Variants in TCERG1L observed in about 807,000 individuals in gnomAD.
TCERG1L encodes the protein transcription elongation regulator 1-like protein.
TCERG1L carries 37 observed loss-of-function variants against 56.3 expected under a neutral mutation model. The observed-to-expected ratio is 0.66, with a 90% CI of 0.51 to 0.87. TCERG1L has a LOEUF of 0.87. Among genes scored for constraint, TCERG1L ranks in the 40% least tolerant of loss-of-function variants. TCERG1L has a pLI of 0.00. For missense variants in TCERG1L, 799 were observed against 774.2 expected, an observed-to-expected ratio of 1.03 and a Z score of -0.38; for synonymous variants, 324 against 326.3, an observed-to-expected ratio of 0.99 and a Z score of 0.08.
intron 4 of TCERG1L, among the ~76,000 whole-genome samples, chr10:131,172,849 C>T (rs1366559140): frequency 6.6e-6 from 1 of 151,648 alleles, no homozygotes; most frequent in Non-Finnish European, 1.5e-5. Context: ...TATAAGGTCT[C>T]ATCCACTTGC....
intron 3 of TCERG1L, among the ~76,000 whole-genome samples, chr10:131,279,980 C>T (rs1589770585): frequency 6.6e-6 from 1 of 152,284 alleles, no homozygotes; most frequent in Non-Finnish European, 1.5e-5. Context: ...AGCCTACACC[C>T]TTTCGTGAGC....
chr10:131,159,331 T>C (rs1469659212), intron 6 of TCERG1L, among the ~76,000 whole-genome samples: 1 of 152,182 alleles, frequency 6.6e-6, no homozygotes, highest in Non-Finnish European at 1.5e-5. Flanking sequence ...GATGGGCTGT[T>C]GTGCCTCTGG....
At chr10:131,246,607 C>T (rs901540290) in intron 4 of TCERG1L, among the ~76,000 whole-genome samples, 9 of 150,528 alleles carry the variant, frequency 6.0e-5, no homozygotes, top group African/African-American at 2.2e-4. Context: ...CTCCCCTGCC[C>T]CACCGCACCC....
rs528426608 is a variant in TCERG1L at position 131,211,652 on chromosome 10, T to C, written c.857-44767A>G. 2.0e-5 allele frequency among the ~76,000 whole-genome samples: 3 copies of C among 152,210 alleles called. No homozygotes were observed. In the South Asian group the frequency reaches 6.2e-4, roughly 32 times the overall value. ...CTTTCATGAAGGCAACCTATTTTAT[T>C]AACACTTCAACCTTCAAACAACATA... is the stretch of plus-strand genomic sequence containing the variant. On this transcript the variant is annotated intron_variant, in intron 4 of 11. Coordinates refer to ENST00000368642, the MANE Select transcript of TCERG1L (RefSeq NM_174937.4).
intron 4 of TCERG1L, among the ~76,000 whole-genome samples, chr10:131,236,562 C>T (rs1334023300): frequency 3.3e-5 from 5 of 152,184 alleles, no homozygotes; most frequent in Admixed American, 2.6e-4. Context: ...TCTTGTGGCA[C>T]ATCCCTTCAT....
chr10:131,164,533 T>C (rs576046516), intron 5 of TCERG1L, among the ~76,000 whole-genome samples: 89 of 152,340 alleles, frequency 5.8e-4, no homozygotes, highest in African/African-American at 2.1e-3. Flanking sequence ...TGAAGTAGCA[T>C]GAGAAACTTT....
At position 131,118,390 on chromosome 10, in the gene TCERG1L, G is replaced by T. The variant is rs560221025; in HGVS notation, c.1260-1456C>A. Among the ~76,000 whole-genome samples, 90 of 152,286 alleles carry T rather than the reference G, an allele frequency of 5.9e-4. No homozygotes were observed. The highest frequency in any genetic ancestry group is 1.1e-3 in the Non-Finnish European group (75 of 68,036). ...GCTTTCTGATTTGGTCTAGAGGTAA[G>T]AGTCTCTCCTGGGCCACAGTCTCCC... On this transcript the variant is annotated intron_variant, in intron 8 of 11. Coordinates refer to ENST00000368642, the MANE Select transcript of TCERG1L (RefSeq NM_174937.4). This position sits in a 1 kb window ranked among gnomAD's most constrained non-coding sequence, Gnocchi z 4.2.
chr10:131,103,778 T>C lies in TCERG1L; in HGVS notation c.1485+487A>G, dbSNP rs905376368. ...TTGTAGAGTCTTTTTAGTTATCAGG[T>C]ATACAAGTATGAGAACCCTCTCTTC... On this transcript the variant is annotated intron_variant, in intron 10 of 11. Coordinates refer to ENST00000368642, the MANE Select transcript of TCERG1L (RefSeq NM_174937.4). This position sits in a 1 kb window ranked among gnomAD's most constrained non-coding sequence, Gnocchi z 4.3. 6.6e-6 allele frequency among the ~76,000 whole-genome samples: 1 copy of C among 152,218 alleles called. No homozygotes were observed.
At chr10:131,280,169 G>T (rs1414957625) in intron 3 of TCERG1L, among the ~76,000 whole-genome samples, 1 of 148,148 alleles carries the variant, frequency 6.8e-6, no homozygotes, top group Non-Finnish European at 1.5e-5. Context: ...GGAAGCAGGA[G>T]GGGGCTTCCA....
chr10:131,215,984 A>G (rs879838455), intron 4 of TCERG1L, among the ~76,000 whole-genome samples: 1 of 152,194 alleles, frequency 6.6e-6, no homozygotes, highest in Non-Finnish European at 1.5e-5. Flanking sequence ...CAGCTGAGCC[A>G]TGCTGCCCAG....
intron 4 of TCERG1L, among the ~76,000 whole-genome samples, chr10:131,218,186 T>C (rs571254768): frequency 6.6e-6 from 1 of 152,346 alleles, no homozygotes; most frequent in East Asian, 1.9e-4. Context: ...GGACTGCCAC[T>C]GTTTTAATAG....
intron 3 of TCERG1L, among the ~76,000 whole-genome samples, chr10:131,306,704 A>C (rs1316899682): frequency 2.0e-5 from 3 of 152,158 alleles, no homozygotes; most frequent in Non-Finnish European, 4.4e-5. Flanking sequence ...ACATCCAAAA[A>C]TCAAAGAAGG....
intron 7 of TCERG1L, among the ~76,000 whole-genome samples, chr10:131,137,980 T>C (rs999032738): frequency 6.6e-6 from 1 of 152,128 alleles, no homozygotes; most frequent in African/African-American, 2.4e-5. Flanking sequence ...GTAACAATCA[T>C]GCTAGAGGCT....
intron 4 of TCERG1L, among the ~76,000 whole-genome samples, chr10:131,235,865 G>A (rs1041862339): frequency 7.9e-5 from 12 of 152,290 alleles, no homozygotes; most frequent in Middle Eastern, 3.4e-3. Flanking sequence ...CTTATAAAAC[G>A]AAAATGCATT....
At position 131,221,258 on chromosome 10, in the gene TCERG1L, C is replaced by T. The variant is rs138604083; in HGVS notation, c.856+39001G>A. ...TGCTGCGGGGTGGGAGGCCCCTGGC[C>T]GTCCAGGAAAGGCAGGAGGAAGTCT... On this transcript the variant is annotated intron_variant, in intron 4 of 11. Transcript: ENST00000368642. Among the ~76,000 whole-genome samples, 86 of 152,318 alleles carry T rather than the reference C, an allele frequency of 5.6e-4. No homozygotes were observed. In the East Asian group the frequency reaches 8.7e-3, roughly 15 times the overall value.
intron 3 of TCERG1L, among the ~76,000 whole-genome samples, chr10:131,264,768 C>A (rs1265158136): frequency 6.6e-6 from 1 of 152,250 alleles, no homozygotes; most frequent in Non-Finnish European, 1.5e-5. Context: ...AGGGCAAGAG[C>A]TTAAAGCCAC....
At chr10:131,141,321 C>T (rs768562433) in intron 7 of TCERG1L, among the ~76,000 whole-genome samples, 5 of 152,166 alleles carry the variant, frequency 3.3e-5, no homozygotes, top group Non-Finnish European at 5.9e-5. Context: ...CTTCCTCCTG[C>T]CTTAGAGCTC....
intron 7 of TCERG1L, among the ~76,000 whole-genome samples, chr10:131,136,934 G>A (rs531940150): frequency 6.6e-6 from 1 of 151,230 alleles, no homozygotes; most frequent in African/African-American, 2.4e-5. Flanking sequence ...GAGGTCAGGA[G>A]TTCGAGACCA....
In TCERG1L at chr10:131,301,834, T is replaced by A. The variant is rs907714153; in HGVS notation, c.670+6377A>T. Among the ~76,000 whole-genome samples the A allele has an allele frequency of 3.3e-5, 5 of 152,132 alleles. No homozygotes were observed. In the South Asian group the frequency reaches 1.0e-3, roughly 31 times the overall value. ...AAATAAAAAAGCAGAATGTAACAAT[T>A]ACAGATAAATATACGCATAGTAAAT... On this transcript the variant is annotated intron_variant, in intron 3 of 11. Transcript: ENST00000368642.
Sources: allele counts gnomAD v4.1 joint callset (sites outside exome capture counted in the v4.1 genomes callset), GRCh38; gene constraint gnomAD v4.1.1; non-coding constraint Gnocchi (gnomAD v3.1); transcripts MANE v1.5; gene names NCBI Gene and HGNC (gene_info 2026-07-23, HGNC 2026-07-21).